The following PRKCI variants were observed in gnomAD, a reference collection of about 807,000 sequenced individuals.
PRKCI encodes the protein protein kinase C iota.
A neutral mutation model predicts 84.0 loss-of-function variants in PRKCI; 43 were observed. The observed-to-expected ratio is 0.51, with a 90% CI of 0.40 to 0.66. The LOEUF (loss-of-function observed/expected upper bound fraction) is 0.66, where lower values mean the gene tolerates loss of function less well. Among genes scored for constraint, PRKCI ranks in the 30% least tolerant of loss-of-function variants. The pLI, the probability that PRKCI is intolerant of heterozygous loss-of-function variation, is 0.00. For missense variants in PRKCI, 459 were observed against 745.6 expected, an observed-to-expected ratio of 0.62 and a Z score of 4.48; for synonymous variants, 216 against 234.4, an observed-to-expected ratio of 0.92 and a Z score of 0.72.
At chr3:170,275,163 G>A (rs1293298352) in intron 7 of PRKCI, 66 bp from the exon 8 acceptor site, 2 of 1,407,800 alleles carry the variant, frequency 1.4e-6, no homozygotes, top group Non-Finnish European at 1.8e-6. Flanking sequence ...ACTCATTAAT[G>A]GTTGCTGTTT....
intron 17 of PRKCI, among the ~76,000 whole-genome samples, chr3:170,300,224 G>A (rs533922904): frequency 6.6e-6 from 1 of 152,128 alleles, no homozygotes; most frequent in East Asian, 1.9e-4. Context: ...GATTAACCTT[G>A]TCTTAATTTG....
intron 2 of PRKCI, among the ~76,000 whole-genome samples, chr3:170,251,069 A>T (rs1677893575): frequency 6.6e-6 from 1 of 152,220 alleles, no homozygotes; most frequent in Non-Finnish European, 1.5e-5. Flanking sequence ...CACAGTAGCG[A>T]CATAAAAATA....
intron 2 of PRKCI, among the ~76,000 whole-genome samples, chr3:170,252,359 TG>T (rs1308997500): frequency 6.6e-6 from 1 of 152,202 alleles, no homozygotes; most frequent in Non-Finnish European, 1.5e-5. Context: ...TTAATTTTAA[TG>T]GATACATAGT....
intron 12 of PRKCI, among the ~76,000 whole-genome samples, chr3:170,288,046 C>A (rs1320267344): frequency 6.6e-5 from 10 of 151,660 alleles, no homozygotes; most frequent in Non-Finnish European, 1.5e-4. Flanking sequence ...GAGATTGAGA[C>A]CATCCTGGCT....
At chr3:170,256,410 T>C (rs1312738124) in intron 2 of PRKCI, among the ~76,000 whole-genome samples, 2 of 152,194 alleles carry the variant, frequency 1.3e-5, no homozygotes, top group Non-Finnish European at 2.9e-5. Flanking sequence ...AGGTTGTATG[T>C]GTCTAGGAAT....
chr3:170,254,120 T>C (rs2108845876), intron 2 of PRKCI, among the ~76,000 whole-genome samples: 1 of 151,768 alleles, frequency 6.6e-6, no homozygotes, highest in South Asian at 2.1e-4. Context: ...GAAAAATGTC[T>C]ATTCATATCT....
chr3:170,262,008 G>C (rs2108849522), intron 3 of PRKCI, among the ~76,000 whole-genome samples: 1 of 152,218 alleles, frequency 6.6e-6, no homozygotes, highest in East Asian at 1.9e-4. Flanking sequence ...TCAGAAGCTA[G>C]CTTACGTTTC....
At chr3:170,286,155 G>C (rs1463458947) in intron 12 of PRKCI, among the ~76,000 whole-genome samples, 1 of 151,752 alleles carries the variant, frequency 6.6e-6, no homozygotes, top group Non-Finnish European at 1.5e-5. Flanking sequence ...GCGAACTCCT[G>C]ACCTCAGGTG....
intron 5 of PRKCI, among the ~76,000 whole-genome samples, chr3:170,268,715 C>T (rs2108852822): frequency 6.6e-6 from 1 of 152,152 alleles, no homozygotes; most frequent in Middle Eastern, 3.4e-3. Context: ...GGCACTTTTC[C>T]AAATGCCTTA....
intron 14 of PRKCI, among the ~76,000 whole-genome samples, chr3:170,293,987 G>A (rs1421454690): frequency 6.6e-6 from 1 of 152,196 alleles, no homozygotes; most frequent in East Asian, 1.9e-4. Context: ...TGGCCTCTGT[G>A]TATTAGGTTT....
chr3:170,295,066 G>T (rs1734658289), intron 14 of PRKCI, among the ~76,000 whole-genome samples: 1 of 150,980 alleles, frequency 6.6e-6, no homozygotes. Context: ...AAAAAAATTA[G>T]CTGGGCGTCG....
In PRKCI at chr3:170,275,041, T is replaced by C. The variant is rs73036322; in HGVS notation, c.647-188T>C. Among the ~76,000 whole-genome samples the C allele has an allele frequency of 1.8e-3, 268 of 152,298 alleles. 1 individual carries two copies. The highest frequency in any genetic ancestry group is 5.9e-3 in the African/African-American group (247 of 41,584). On this transcript the variant is annotated intron_variant, in intron 7 of 17. Coordinates refer to ENST00000295797, the MANE Select transcript of PRKCI (RefSeq NM_002740.6). ...CTCACTAAAGATTAGGATTTAACTA[T>C]TGTATTTACATACAATTTGTTATTA...
At chr3:170,232,864 G>C (rs1040235643) in intron 1 of PRKCI, among the ~76,000 whole-genome samples, 1 of 152,164 alleles carries the variant, frequency 6.6e-6, no homozygotes, top group Non-Finnish European at 1.5e-5. Flanking sequence ...GAACTTCAAA[G>C]AGATTTCTCT....
chr3:170,297,057 TC>T (rs1734702088), intron 15 of PRKCI, among the ~76,000 whole-genome samples: 1 of 152,246 alleles, frequency 6.6e-6, no homozygotes, highest in South Asian at 2.1e-4. Flanking sequence ...CTCCTGTTTT[TC>T]TTTAGCAAGG....
intron 1 of PRKCI, among the ~76,000 whole-genome samples, chr3:170,225,131 T>C (rs1354405027): frequency 2.0e-5 from 3 of 152,222 alleles, no homozygotes. Flanking sequence ...ACATTGTCTT[T>C]TAAAATCTGT....
At chr3:170,229,395 C>T (rs1732729113) in intron 1 of PRKCI, among the ~76,000 whole-genome samples, 1 of 152,132 alleles carries the variant, frequency 6.6e-6, no homozygotes, top group African/African-American at 2.4e-5. Context: ...CCCTCTGCAG[C>T]CTCAACCACT....
intron 2 of PRKCI, among the ~76,000 whole-genome samples, chr3:170,241,210 CTTTT>C (rs375468073): frequency 5.4e-4 from 82 of 152,230 alleles, no homozygotes; most frequent in African/African-American, 1.9e-3. Flanking sequence ...AAAATCCACT[CTTTT>C]TGTTATTTTG....
At position 170,303,281 on chromosome 3, in the gene PRKCI, ATC is replaced by A. The variant is rs1424732871; in HGVS notation, c.*156_*157del. ...GTAGACTATATGAATCAATTATTACATCTGTTTTACTATGAAAAAAAAATTAA... is the reference window on the plus strand; with the variant it reads ...GTAGACTATATGAATCAATTATTACATGTTTTACTATGAAAAAAAAATTAA... On this transcript the variant is annotated 3_prime_UTR_variant, in exon 18 of 18. Transcript: ENST00000295797. 2 of 432,836 alleles carry A rather than the reference ATC, an allele frequency of 4.6e-6. No individual in the cohort carries two copies. Among genetic ancestry groups the A allele is most frequent in the East Asian group, 7.1e-5 (2 of 28,334 alleles). The allele number at this position is 432,836 out of a possible 1,614,324, so 26.8% of individuals were successfully genotyped here. A position where few individuals can be genotyped will look rare whatever the true frequency, so the allele number is the denominator to read the frequency against.
chr3:170,264,163 CA>C (rs1201624254), intron 4 of PRKCI, among the ~76,000 whole-genome samples: 4 of 151,088 alleles, frequency 2.6e-5, no homozygotes, highest in South Asian at 2.1e-4. Context: ...ATAACAAACA[CA>C]TTTTTTTTTT....
Sources: allele counts gnomAD v4.1 joint callset (sites outside exome capture counted in the v4.1 genomes callset), GRCh38; gene constraint gnomAD v4.1.1; transcripts MANE v1.5; gene names NCBI Gene and HGNC (gene_info 2026-07-23, HGNC 2026-07-21).